Variants in SLC9B1 observed in about 807,000 individuals in gnomAD.
SLC9B1 encodes the protein solute carrier family 9 member B1, also known as sodium/hydrogen exchanger 9B1.
Under a neutral mutation model 51.7 loss-of-function variants are expected in SLC9B1, and 32 were observed. The ratio of observed to expected loss-of-function variants is 0.62; its 90% CI spans 0.47 to 0.83. SLC9B1 has a LOEUF of 0.83. Ranked by LOEUF, SLC9B1 falls within the 40% of genes least tolerant of loss-of-function variation. SLC9B1 has a pLI of 0.00. For synonymous variants in SLC9B1, 145 were observed against 212.7 expected, an observed-to-expected ratio of 0.68 and a Z score of 2.77; for missense variants, 406 against 613.2, an observed-to-expected ratio of 0.66 and a Z score of 3.57.
At chr4:103,011,364 G>A (rs746198452) in intron 1 of SLC9B1, among the ~76,000 whole-genome samples, 33 of 152,146 alleles carry the variant, frequency 2.2e-4, no homozygotes, top group Non-Finnish European at 2.4e-4. Context: ...GCTTTAGGGG[G>A]AGCAGACCAT....
At chr4:103,008,753 G>T (rs1317977682) in intron 1 of SLC9B1, among the ~76,000 whole-genome samples, 2 of 149,948 alleles carry the variant, frequency 1.3e-5, no homozygotes, top group African/African-American at 2.5e-5. Context: ...ATAAAGTGAC[G>T]TAGGGAGTGA....
intron 3 of SLC9B1, among the ~76,000 whole-genome samples, chr4:102,987,372 T>A (rs1189922432): frequency 6.6e-6 from 1 of 152,178 alleles, no homozygotes; most frequent in East Asian, 1.9e-4. Context: ...CTTGGAAGTT[T>A]AGATCAAAAA....
chr4:102,991,827 A>T, intron 1 of SLC9B1, 115 bp from the exon 2 acceptor site: 1 of 647,376 alleles, frequency 1.5e-6, no homozygotes, highest in South Asian at 2.4e-5. Context: ...CTAAAGTTGT[A>T]TCACAGTCAA....
At chr4:102,898,343 T>A, downstream of SLC9B1, 1 of 278,732 alleles carries the variant, frequency 3.6e-6, no homozygotes. Context: ...AAGTATAAAA[T>A]AAATTTAAAA....
intron 3 of SLC9B1, among the ~76,000 whole-genome samples, chr4:102,956,284 A>G (rs769347909): frequency 1.3e-5 from 2 of 149,916 alleles, no homozygotes; most frequent in African/African-American, 2.5e-5. Flanking sequence ...GTATCCATTC[A>G]CTATAATAAA....
At chr4:102,922,051 A>G (rs1392874745) in intron 7 of SLC9B1, among the ~76,000 whole-genome samples, 2 of 152,154 alleles carry the variant, frequency 1.3e-5, no homozygotes, top group Non-Finnish European at 2.9e-5. Context: ...CAGCTCTGCA[A>G]CAAACAGACC....
At chr4:102,958,529 T>C (rs1737920413) in intron 3 of SLC9B1, among the ~76,000 whole-genome samples, 1 of 152,216 alleles carries the variant, frequency 6.6e-6, no homozygotes, top group African/African-American at 2.4e-5. Context: ...CACATGCCTG[T>C]AGTCCCAGCT....
In SLC9B1 at chr4:102,931,273, A is replaced by G. The variant is rs1198451778; in HGVS notation, c.829+851T>C. Among the ~76,000 whole-genome samples the G allele has an allele frequency of 2.0e-5, 3 of 151,732 alleles. No homozygotes were observed. In the South Asian group the frequency reaches 6.3e-4, roughly 32 times the overall value. On this transcript the variant is annotated intron_variant, in intron 7 of 11. Transcript: ENST00000296422. Reference sequence around the variant, plus strand: ...TGGTCAATATTCACTGATTTTTATAAGAATATTTGACAGAGAGAGAGGGGG... The same window carrying G: ...TGGTCAATATTCACTGATTTTTATAGGAATATTTGACAGAGAGAGAGGGGG...
chr4:102,939,513 C>A (rs1299254417), intron 6 of SLC9B1, among the ~76,000 whole-genome samples: 1 of 151,300 alleles, frequency 6.6e-6, no homozygotes, highest in African/African-American at 2.4e-5. Flanking sequence ...GAAATTATTC[C>A]AAAAAAATGA....
At chr4:103,001,590 C>T (rs928408768) in intron 1 of SLC9B1, among the ~76,000 whole-genome samples, 1 of 152,216 alleles carries the variant, frequency 6.6e-6, no homozygotes, top group Non-Finnish European at 1.5e-5. Context: ...CTCCCATCTC[C>T]ATTTGAGACC....
Position 102,949,293 on chromosome 4 carries a change from T to C in SLC9B1, c.346A>G (p.Arg116Gly). ...GGAAGTGGAGGCACTAAAGGTATTC[T>C]AATGAGTTGTAAAATTTTTCCCCCA... ...IIGGKILQLIRIPLVPPLPPL... is the reference protein window; with the variant it reads ...IIGGKILQLIGIPLVPPLPPL... The change falls in exon 4 of 12, where the codon AGA becomes GGA. Residue 116 changes from arginine to glycine, a missense_variant. Physicochemically the swap from Arg to Gly is moderately radical, Grantham distance 125 (BLOSUM62 -2). Transcript: ENST00000296422. 3 of 1,607,616 alleles carry C rather than the reference T, an allele frequency of 1.9e-6. No homozygotes were observed. The highest frequency in any genetic ancestry group is 2.5e-6 in the Non-Finnish European group (3 of 1,177,856).
At chr4:102,943,068 T>C (rs1374368822) in intron 6 of SLC9B1, among the ~76,000 whole-genome samples, 1 of 150,500 alleles carries the variant, frequency 6.6e-6, no homozygotes, top group Admixed American at 6.6e-5. Flanking sequence ...CCAAGAAACA[T>C]GAAAAAATCC....
rs1406861214 is a variant in SLC9B1 at position 102,933,726 on chromosome 4, G to A, written c.654-1427C>T. On this transcript the variant is annotated intron_variant, in intron 6 of 11. Coordinates refer to ENST00000296422, the MANE Select transcript of SLC9B1 (RefSeq NM_139173.4). ...AGGACATGGCAGCTGGCTTCCCCAG[G>A]AATAAGTGATCAAAGAGAATTTAAT... 3.3e-5 allele frequency among the ~76,000 whole-genome samples: 5 copies of A among 151,952 alleles called. No individual in the cohort carries two copies. In the South Asian group the frequency reaches 6.2e-4, roughly 19 times the overall value.
At chr4:102,907,534 C>G (rs1288935182) in intron 9 of SLC9B1, among the ~76,000 whole-genome samples, 1 of 152,240 alleles carries the variant, frequency 6.6e-6, no homozygotes, top group Admixed American at 6.5e-5. Context: ...TAACTGCCTA[C>G]CCAGCTTCCC....
intron 1 of SLC9B1, among the ~76,000 whole-genome samples, chr4:103,003,802 A>T (rs1294057545): frequency 6.6e-6 from 1 of 152,190 alleles, no homozygotes; most frequent in Non-Finnish European, 1.5e-5. Context: ...TCAGCCCCCC[A>T]GAGCTACAGC....
intron 3 of SLC9B1, among the ~76,000 whole-genome samples, chr4:102,949,838 G>T (rs1451365539): frequency 6.6e-6 from 1 of 152,054 alleles, no homozygotes. Context: ...GTGCGTGCCT[G>T]TAATCCCAGC....
intron 6 of SLC9B1, among the ~76,000 whole-genome samples, chr4:102,937,275 G>A (rs1736766841): frequency 6.6e-6 from 1 of 151,548 alleles, no homozygotes. Flanking sequence ...GCAATTTTTT[G>A]TAATTTTAGT....
chr4:102,917,486 T>A (rs1735640697), intron 7 of SLC9B1, among the ~76,000 whole-genome samples: 1 of 144,776 alleles, frequency 6.9e-6, no homozygotes, highest in Non-Finnish European at 1.5e-5. Context: ...TATATCTATA[T>A]CTATATCTCC....
intron 7 of SLC9B1, among the ~76,000 whole-genome samples, chr4:102,923,771 CAGAG>C (rs1381575108): frequency 6.6e-6 from 1 of 152,124 alleles, no homozygotes; most frequent in East Asian, 1.9e-4. Context: ...CAATAACAAA[CAGAG>C]AGCCAAATCA....
Sources: gnomAD v4.1 joint callset for allele counts (sites outside exome capture counted in the v4.1 genomes callset) on GRCh38, gnomAD v4.1.1 for gene constraint, MANE v1.5 for transcripts, NCBI Gene and HGNC (gene_info 2026-07-23, HGNC 2026-07-21) for gene names.